GRK1: variants seen among roughly 807,000 people sequenced by gnomAD.
GRK1 encodes G protein-coupled receptor kinase 1, also known as rhodopsin kinase GRK1.
Under a neutral mutation model 41.7 loss-of-function variants are expected in GRK1, and 28 were observed. That is an observed-to-expected ratio of 0.67 (90% CI 0.50 to 0.92). The LOEUF is 0.92. GRK1 is among the 40% of genes least tolerant of loss of function. The probability of loss-of-function intolerance (pLI) is 0.00; values close to 1 mark genes in which losing one functional copy is unlikely to be tolerated. For missense variants in GRK1, 703 were observed against 671.2 expected (o/e 1.05, Z -0.52); for synonymous variants, 327 against 286.7 (o/e 1.14, Z -1.42).
chr13:113,727,902 CAAT>C (rs1313423991), intron 4 of GRK1, among the ~76,000 whole-genome samples: 3 of 76,536 alleles, frequency 3.9e-5, no homozygotes, highest in East Asian at 4.5e-4. Context: ...GTACCCATGG[CAAT>C]GAGGAGTACC....
At chr13:113,670,435 C>A (rs1478083294) in intron 2 of GRK1, among the ~76,000 whole-genome samples, 1 of 152,204 alleles carries the variant, frequency 6.6e-6, no homozygotes, top group Non-Finnish European at 1.5e-5. Flanking sequence ...CAGAGACTGT[C>A]CGGAGATTAA....
chr13:113,655,627 T>A, the GRK1 span, among the ~76,000 whole-genome samples: 2 of 152,204 alleles, frequency 1.3e-5, no homozygotes, highest in Non-Finnish European at 2.9e-5. Flanking sequence ...CTGTGTGCTG[T>A]CTTCGTCTCT....
rs146696614 is a variant in GRK1, at chr13:113,732,834, A to G, written c.1195-50A>G. ...GGAGGAGCTGTGGTCTGGTCTGACCACCCAAGAGAGGCGGGTCTGGCAGGG... is the reference window on the plus strand; with the variant it reads ...GGAGGAGCTGTGGTCTGGTCTGACCGCCCAAGAGAGGCGGGTCTGGCAGGG... On this transcript the variant is annotated intron_variant, in intron 5 of 6. Coordinates refer to ENST00000335678, the MANE Select transcript of GRK1 (RefSeq NM_002929.3). 0.14 allele frequency: 216,719 copies of G among 1,530,260 alleles called. 17,966 individuals are homozygous for G. Among genetic ancestry groups the G allele is most frequent in the African/African-American group, 0.33 (23,956 of 72,968 alleles). The allele number at this position is 1,530,260 out of a possible 1,614,324, so 94.8% of individuals were successfully genotyped here. A position where few individuals can be genotyped will look rare whatever the true frequency, so the allele number is the denominator to read the frequency against.
the GRK1 span, chr13:113,649,580 A>C: frequency 3.5e-5 from 51 of 1,449,402 alleles, no homozygotes; most frequent in Non-Finnish European, 4.5e-5. The surrounding 1 kb of genome is among the most constrained non-coding windows in gnomAD (Gnocchi z 4.7). Context: ...AAAATCTCTG[A>C]AGTTAAGGAG....
chr13:113,727,530 T>C (rs1237591936), intron 4 of GRK1, among the ~76,000 whole-genome samples: 2 of 151,824 alleles, frequency 1.3e-5, no homozygotes, highest in African/African-American at 4.9e-5. Context: ...ATCCCCATCA[T>C]GAGTACCCAT....
rs370758170 is a variant in GRK1 at position 113,667,408 on chromosome 13, A to G, written c.22A>G (p.Thr8Ala). The G allele has an allele frequency of 3.6e-5, 57 of 1,588,256 alleles. No homozygotes were observed. Among genetic ancestry groups the G allele is most frequent in the Non-Finnish European group, 4.4e-5 (51 of 1,166,398 alleles). MDFGSLE[T>A]VVANSAFIAA... is the part of the protein sequence containing the mutation. ...CGGGATGGATTTCGGGTCTTTGGAG[A>G]CCGTGGTGGCCAACTCTGCCTTCAT... The change falls in exon 1 of 7, where the codon ACC (threonine) becomes GCC (alanine). Residue 8 changes from threonine to alanine, a missense_variant. Coordinates refer to ENST00000335678, the MANE Select transcript of GRK1 (RefSeq NM_002929.3). The surrounding 1 kb of genome is among the most constrained non-coding windows in gnomAD (Gnocchi z 7.5).
At chr13:113,653,824 C>T in the GRK1 span, among the ~76,000 whole-genome samples, 2 of 152,250 alleles carry the variant, frequency 1.3e-5, no homozygotes, top group Non-Finnish European at 2.9e-5. Flanking sequence ...AGCAGTCTAA[C>T]AACATGTTAA....
upstream of GRK1, among the ~76,000 whole-genome samples, chr13:113,662,736 A>G (rs973352719): frequency 3.9e-5 from 6 of 152,232 alleles, no homozygotes; most frequent in Admixed American, 1.3e-4. Context: ...GGTGTTAATA[A>G]CAAAACATGT....
At chr13:113,650,562 C>CGTT in the GRK1 span, 2 of 1,454,652 alleles carry the variant, frequency 1.4e-6, no homozygotes, top group Non-Finnish European at 1.9e-6. The surrounding 1 kb of genome is among the most constrained non-coding windows in gnomAD (Gnocchi z 5.0). Flanking sequence ...GTGCCGGTGT[C>CGTT]TGTGTGTTGC....
At chr13:113,668,950 G>A (rs373741059) in intron 1 of GRK1, among the ~76,000 whole-genome samples, 9 of 152,250 alleles carry the variant, frequency 5.9e-5, no homozygotes, top group East Asian at 1.9e-4. Context: ...GAACATCTGC[G>A]TGTTCTCGCC....
At chr13:113,656,968 GC>G in the GRK1 span, among the ~76,000 whole-genome samples, 1 of 152,120 alleles carries the variant, frequency 6.6e-6, no homozygotes, top group Non-Finnish European at 1.5e-5. Flanking sequence ...AGGCCCTTCT[GC>G]CCCCGGTCCC....
chr13:113,733,426 G>A (rs978654218), intron 6 of GRK1, among the ~76,000 whole-genome samples: 2 of 151,806 alleles, frequency 1.3e-5, no homozygotes, highest in Admixed American at 6.6e-5. Flanking sequence ...CGTCTGCCGG[G>A]GAGAAAGTCA....
Position 113,731,513 on chromosome 13 carries a change from G to A in GRK1, c.1194+170G>A, listed in dbSNP as rs2049937492. On this transcript the variant is annotated intron_variant, in intron 5 of 6. Transcript: ENST00000335678. The surrounding 1 kb of genome is among the most constrained non-coding windows in gnomAD (Gnocchi z 5.6). Reference sequence around the variant, plus strand: ...TGGGGTCTTGCTCCTGGGCCATGCTGTTCTGTCTCAGTGGGTGACGCCCCC... The same window carrying A: ...TGGGGTCTTGCTCCTGGGCCATGCTATTCTGTCTCAGTGGGTGACGCCCCC... 3.5e-6 allele frequency: 2 copies of A among 566,102 alleles called. No homozygotes were observed. Among genetic ancestry groups the A allele is most frequent in the African/African-American group, 2.0e-5 (1 of 49,012 alleles). 35.1% of individuals were successfully genotyped at this position (566,102 alleles called of 1,614,324 possible).
intron 2 of GRK1, 30 bp downstream of exon 2, chr13:113,669,844 GC>G: frequency 1.2e-6 from 2 of 1,612,034 alleles, no homozygotes; most frequent in Non-Finnish European, 1.7e-6. Flanking sequence ...GCACGAGGGG[GC>G]CCCGCTGTCC....
rs144116780 is a variant in GRK1, at chr13:113,731,782, C to G, written c.1194+439C>G. On this transcript the variant is annotated intron_variant, in intron 5 of 6. Transcript: ENST00000335678. This position sits in a 1 kb window ranked among gnomAD's most constrained non-coding sequence, Gnocchi z 5.6. The stretch of plus-strand genomic sequence containing the variant: ...TGGAGCTTCATCCCCTGGGGACTGG[C>G]GAGGCTGAGGCTGGGGCTCTGGGGG... Among the ~76,000 whole-genome samples the G allele has an allele frequency of 6.6e-6, 1 of 152,138 alleles. No homozygotes were observed. Among genetic ancestry groups the G allele is most frequent in the African/African-American group, 2.4e-5 (1 of 41,432 alleles).
intron 6 of GRK1, among the ~76,000 whole-genome samples, chr13:113,733,921 T>G (rs1371380248): frequency 2.7e-5 from 2 of 73,372 alleles, no homozygotes; most frequent in East Asian, 1.5e-3. Flanking sequence ...AGTGTGCGTG[T>G]GTGCATGTGT....
the GRK1 span, among the ~76,000 whole-genome samples, chr13:113,656,135 CAGTGGTGG>C: frequency 1.2e-4 from 19 of 152,316 alleles, no homozygotes; most frequent in East Asian, 2.3e-3. Context: ...GTGGGGCCCG[CAGTGGTGG>C]AGGGTTTCTG....
chr13:113,658,091 C>T, the GRK1 span: 5,266 of 1,612,466 alleles, frequency 3.3e-3, 160 homozygotes, highest in African/African-American at 0.062. Context: ...AGCAGTAACG[C>T]TGGAACTCCT....
rs528818713 is a variant in GRK1, at chr13:113,671,671, C to T, written c.985+15C>T. On this transcript the variant is annotated intron_variant, in intron 3 of 6. Transcript: ENST00000335678. The surrounding 1 kb of genome is among the most constrained non-coding windows in gnomAD (Gnocchi z 4.1). The stretch of plus-strand genomic sequence containing the variant: ...GGACAATGACGGTAGGAGGTGCCCT[C>T]GGCTGGGAGGGATGAGGGCTACGAG... The T allele has an allele frequency of 9.5e-6, 7 of 740,562 alleles. No homozygotes were observed. The highest frequency in any genetic ancestry group is 5.6e-5 in the South Asian group (4 of 71,618). The allele number at this position is 740,562 out of a possible 1,614,324, so 45.9% of individuals were successfully genotyped here. A position where few individuals can be genotyped will look rare whatever the true frequency, so the allele number is the denominator to read the frequency against.
Sources: allele counts gnomAD v4.1 joint callset (sites outside exome capture counted in the v4.1 genomes callset), GRCh38; gene constraint gnomAD v4.1.1; non-coding constraint Gnocchi (gnomAD v3.1); transcripts MANE v1.5; gene names NCBI Gene and HGNC (gene_info 2026-07-23, HGNC 2026-07-21).